The following CCDC149 variants were observed in gnomAD, a reference collection of about 807,000 sequenced individuals.
CCDC149 encodes coiled-coil domain containing 149.
CCDC149 carries 45 observed loss-of-function variants against 59.9 expected under a neutral mutation model. That is an observed-to-expected ratio of 0.75 (90% CI 0.59 to 0.96). The LOEUF is 0.96. CCDC149 is among the 40% of genes least tolerant of loss of function. The pLI, the probability that CCDC149 is intolerant of heterozygous loss-of-function variation, is 0.00. For missense variants in CCDC149, 584 were observed against 664.7 expected, an observed-to-expected ratio of 0.88 and a Z score of 1.33; for synonymous variants, 245 against 260.6, an observed-to-expected ratio of 0.94 and a Z score of 0.58.
chr4:24,890,889 C>T (rs1377543244), intron 1 of CCDC149, among the ~76,000 whole-genome samples: 2 of 152,222 alleles, frequency 1.3e-5, no homozygotes, highest in East Asian at 1.9e-4. Context: ...GCTCTTACCA[C>T]CATCTGCTGA....
chr4:24,814,529 C>G (rs1714884370), intron 12 of CCDC149, among the ~76,000 whole-genome samples: 2 of 152,208 alleles, frequency 1.3e-5, no homozygotes, highest in Admixed American at 6.5e-5. Context: ...CATGGACCAG[C>G]AGTGGCAGCA....
chr4:24,914,399 A>G (rs1039484658), upstream of CCDC149, among the ~76,000 whole-genome samples: 5 of 151,512 alleles, frequency 3.3e-5, no homozygotes, highest in African/African-American at 9.7e-5. Flanking sequence ...AAAAAAAAAA[A>G]AAAAAGAAAA....
intron 1 of CCDC149, among the ~76,000 whole-genome samples, chr4:24,881,089 T>G (rs1719815610): frequency 6.6e-6 from 1 of 152,240 alleles, no homozygotes. Context: ...TTCCAAAGAC[T>G]GTCTGTGGCC....
At chr4:24,909,763 G>A (rs538281213) in intron 1 of CCDC149, among the ~76,000 whole-genome samples, 2 of 152,264 alleles carry the variant, frequency 1.3e-5, no homozygotes, top group African/African-American at 2.4e-5. Context: ...GAGTTCTCCT[G>A]CAGAAGCTCT....
chr4:24,968,042 G>A (rs1419094476), intron 1 of CCDC149, among the ~76,000 whole-genome samples: 1 of 152,198 alleles, frequency 6.6e-6, no homozygotes. Flanking sequence ...AAAGAAGGGA[G>A]TTATCTGGGA....
intron 1 of CCDC149, among the ~76,000 whole-genome samples, chr4:24,886,374 G>A (rs955070494): frequency 6.6e-6 from 1 of 152,220 alleles, no homozygotes; most frequent in African/African-American, 2.4e-5. Flanking sequence ...TGACATTTCA[G>A]TCTGGACTCT....
chr4:24,959,269 C>T (rs1218151406), intron 1 of CCDC149, among the ~76,000 whole-genome samples: 2 of 151,572 alleles, frequency 1.3e-5, no homozygotes, highest in Non-Finnish European at 2.9e-5. Context: ...CCACTGCGCC[C>T]GGTCAAAAAA....
chr4:24,928,933 A>G (rs1005797161), intron 1 of CCDC149, among the ~76,000 whole-genome samples: 1 of 152,188 alleles, frequency 6.6e-6, no homozygotes, highest in Admixed American at 6.5e-5. Flanking sequence ...GTCAACTGAA[A>G]TGATCTTGCA....
At chr4:24,955,395 C>T (rs1331540365) in intron 1 of CCDC149, among the ~76,000 whole-genome samples, 1 of 152,172 alleles carries the variant, frequency 6.6e-6, no homozygotes. Flanking sequence ...ACTCTTAATA[C>T]TATCACATTG....
At chr4:24,944,785 T>G (rs1723059467) in intron 1 of CCDC149, among the ~76,000 whole-genome samples, 1 of 152,110 alleles carries the variant, frequency 6.6e-6, no homozygotes, top group African/African-American at 2.4e-5. Flanking sequence ...TTTGAGAGCT[T>G]TTATGCAATG....
chr4:24,875,028 G>A (rs1416991192), intron 2 of CCDC149, among the ~76,000 whole-genome samples: 2 of 152,166 alleles, frequency 1.3e-5, no homozygotes, highest in Admixed American at 6.5e-5. Context: ...TGAGTTAAAG[G>A]CTGGGCACGG....
At chr4:24,968,054 T>G (rs545912165) in intron 1 of CCDC149, among the ~76,000 whole-genome samples, 1 of 152,274 alleles carries the variant, frequency 6.6e-6, no homozygotes, top group South Asian at 2.1e-4. Context: ...TATCTGGGAT[T>G]GGGATGATGC....
intron 1 of CCDC149, among the ~76,000 whole-genome samples, chr4:24,934,893 G>T (rs75764640): frequency 0.021 from 3,238 of 152,316 alleles, 128 homozygotes; most frequent in African/African-American, 0.074. Context: ...AGACAGAGAG[G>T]TAGTCAGATT....
chr4:24,886,809 C>T (rs181055092), intron 1 of CCDC149, among the ~76,000 whole-genome samples: 57 of 152,262 alleles, frequency 3.7e-4, no homozygotes, highest in Admixed American at 1.3e-4. Flanking sequence ...CCTTGGTACA[C>T]ACCTACCAGC....
chr4:24,870,334 A>T (rs1718961519), intron 3 of CCDC149, among the ~76,000 whole-genome samples: 1 of 152,234 alleles, frequency 6.6e-6, no homozygotes, highest in Non-Finnish European at 1.5e-5. Context: ...ATGAAGCCAT[A>T]AACCATCAAG....
At chr4:24,853,431 G>T (rs1276637522) in intron 3 of CCDC149, among the ~76,000 whole-genome samples, 1 of 152,024 alleles carries the variant, frequency 6.6e-6, no homozygotes, top group Non-Finnish European at 1.5e-5. Flanking sequence ...GAGGGTACTT[G>T]AACAAGCAAT....
chr4:24,853,149 G>A lies in CCDC149; in HGVS notation c.295C>T (p.Gln99Ter). The A allele has an allele frequency of 1.9e-6, 3 of 1,613,164 alleles. No individual in the cohort carries two copies. The highest frequency in any genetic ancestry group is 2.5e-6 in the Non-Finnish European group (3 of 1,179,226). Reference sequence around the variant, plus strand: ...TCTCCCAGATGTTTATTTCGGTCCTGAGAATCTCTCAATAGTTGTGCAAGA... The same window carrying A: ...TCTCCCAGATGTTTATTTCGGTCCTAAGAATCTCTCAATAGTTGTGCAAGA... Residue 99 changes from glutamine to a stop codon, truncating the protein, a stop_gained, in exon 4 of 13, where the codon CAG becomes TAG. Coordinates refer to ENST00000635206, the MANE Select transcript of CCDC149 (RefSeq NM_001330643.2). LOFTEE classifies it high-confidence loss of function.
chr4:24,972,142 C>T (rs1365152450), intron 1 of CCDC149, among the ~76,000 whole-genome samples: 1 of 152,146 alleles, frequency 6.6e-6, no homozygotes, highest in Non-Finnish European at 1.5e-5. Flanking sequence ...CACTCATTTT[C>T]ACTCAGAATA....
In CCDC149 at chr4:24,808,656, T is replaced by C. The variant is rs959421774; in HGVS notation, c.1356A>G (p.Glu452=). Residue 452 remains glutamate (E), a synonymous_variant, in exon 13 of 13, where the codon GAA becomes GAG. Transcript: ENST00000635206. Reference sequence around the variant, plus strand: ...TTTCCCTCCCAAGGCTGTTTACTTCTTCCTCAGAAGGTAACTGGGGTAATG... The same window carrying C: ...TTTCCCTCCCAAGGCTGTTTACTTCCTCCTCAGAAGGTAACTGGGGTAATG... 9.7e-6 allele frequency: 15 copies of C among 1,552,306 alleles called. No individual in the cohort carries two copies. The highest frequency in any genetic ancestry group is 1.3e-5 in the Non-Finnish European group (15 of 1,147,146).
Sources: allele counts gnomAD v4.1 joint callset (sites outside exome capture counted in the v4.1 genomes callset), GRCh38; gene constraint gnomAD v4.1.1; transcripts MANE v1.5; gene names NCBI Gene and HGNC (gene_info 2026-07-23, HGNC 2026-07-21).